Variants in EIF4G3 observed in about 807,000 individuals in gnomAD.
The protein encoded by EIF4G3 is eukaryotic translation initiation factor 4 gamma 3.
In EIF4G3, 34 loss-of-function variants were observed where a neutral mutation model predicts 186.4. The observed-to-expected ratio is 0.18, with a 90% confidence interval of 0.14 to 0.24. The LOEUF (loss-of-function observed/expected upper bound fraction) is 0.24, where lower values mean the gene tolerates loss of function less well. Ranked by LOEUF, EIF4G3 falls within the 10% of genes least tolerant of loss-of-function variation. EIF4G3 has a pLI of 1.00. For synonymous variants in EIF4G3, 673 were observed against 679.5 expected (o/e 0.99, Z 0.15); for missense variants, 1,536 against 1,948.5 (o/e 0.79, Z 3.99).
intron 2 of EIF4G3, among the ~76,000 whole-genome samples, chr1:21,117,915 A>G (rs1406103305): frequency 6.6e-6 from 1 of 151,984 alleles, no homozygotes; most frequent in Non-Finnish European, 1.5e-5. Context: ...CAGCCAAAAA[A>G]AGGACTCATG....
At chr1:20,813,493 C>T (rs1004487598) in intron 34 of EIF4G3, among the ~76,000 whole-genome samples, 1 of 150,908 alleles carries the variant, frequency 6.6e-6, no homozygotes, top group African/African-American at 2.4e-5. Context: ...TGCTTGATCC[C>T]AAGGGTTTGA....
intron 2 of EIF4G3, among the ~76,000 whole-genome samples, chr1:21,096,343 A>G (rs2096369358): frequency 6.6e-6 from 1 of 152,198 alleles, no homozygotes; most frequent in Non-Finnish European, 1.5e-5. Context: ...ATGTATACAC[A>G]TGGAGGTAGA....
intron 16 of EIF4G3, among the ~76,000 whole-genome samples, chr1:20,898,761 G>C (rs936608483): frequency 6.6e-6 from 1 of 151,870 alleles, no homozygotes; most frequent in African/African-American, 2.4e-5. Context: ...ATGGAGTTTC[G>C]CTCTTGTTGC....
chr1:21,014,036 G>A (rs971097084), intron 4 of EIF4G3, among the ~76,000 whole-genome samples: 2 of 152,132 alleles, frequency 1.3e-5, no homozygotes, highest in Non-Finnish European at 2.9e-5. Context: ...TGGGCATGGT[G>A]GTGGGTGCCT....
At chr1:21,059,288 G>A (rs2094754045) in intron 3 of EIF4G3, among the ~76,000 whole-genome samples, 1 of 152,134 alleles carries the variant, frequency 6.6e-6, no homozygotes, top group African/African-American at 2.4e-5. Context: ...CTTTTCTTAT[G>A]TGGGTAATTT....
At chr1:20,818,044 G>A (rs906927888) in intron 33 of EIF4G3, among the ~76,000 whole-genome samples, 3 of 151,978 alleles carry the variant, frequency 2.0e-5, no homozygotes, top group Admixed American at 1.3e-4. Context: ...TTCTCATACC[G>A]TGTATCTTAA....
At chr1:21,169,062 T>C (rs758696496) in intron 2 of EIF4G3, among the ~76,000 whole-genome samples, 1 of 151,658 alleles carries the variant, frequency 6.6e-6, no homozygotes, top group Non-Finnish European at 1.5e-5. Context: ...TCCGAGCTCC[T>C]TGGGAGGCTG....
intron 18 of EIF4G3, chr1:20,892,571 T>G: frequency 8.0e-7 from 1 of 1,256,674 alleles, no homozygotes; most frequent in Non-Finnish European, 1.1e-6. Flanking sequence ...ACAGAAAATA[T>G]TATAACACCA....
At chr1:21,172,947 T>C (rs2098014902) in intron 2 of EIF4G3, among the ~76,000 whole-genome samples, 1 of 148,748 alleles carries the variant, frequency 6.7e-6, no homozygotes, top group Admixed American at 6.7e-5. Flanking sequence ...AAGACCATCC[T>C]GGCCAACACA....
intron 29 of EIF4G3, among the ~76,000 whole-genome samples, chr1:20,844,548 A>C (rs2070003221): frequency 2.0e-5 from 3 of 151,308 alleles, no homozygotes; most frequent in Admixed American, 1.3e-4. Context: ...TGCACATAAG[A>C]CCTTTGTCGG....
chr1:21,149,669 C>T (rs1249454312), intron 2 of EIF4G3, among the ~76,000 whole-genome samples: 1 of 152,122 alleles, frequency 6.6e-6, no homozygotes, highest in Non-Finnish European at 1.5e-5. Flanking sequence ...CTACTCAAAC[C>T]ACTCCCCATC....
At chr1:21,067,321 C>T (rs889626686) in intron 3 of EIF4G3, among the ~76,000 whole-genome samples, 30 of 151,862 alleles carry the variant, frequency 2.0e-4, no homozygotes, top group African/African-American at 6.3e-4. Context: ...TTAGTAGAGA[C>T]GGGTTTTCAC....
At chr1:20,851,998 A>AC (rs1193134725) in intron 27 of EIF4G3, among the ~76,000 whole-genome samples, 1 of 152,232 alleles carries the variant, frequency 6.6e-6, no homozygotes, top group Non-Finnish European at 1.5e-5. Context: ...AGCCTGGGTG[A>AC]CAGTGAGACT....
At chr1:20,952,132 C>A (rs769482774) in intron 12 of EIF4G3, among the ~76,000 whole-genome samples, 3 of 150,034 alleles carry the variant, frequency 2.0e-5, no homozygotes, top group Non-Finnish European at 4.4e-5. Flanking sequence ...AAAATCATAA[C>A]GTATTAACAT....
At chr1:20,910,647 T>C (rs186809511) in intron 14 of EIF4G3, among the ~76,000 whole-genome samples, 23 of 152,178 alleles carry the variant, frequency 1.5e-4, no homozygotes, top group Admixed American at 3.3e-4. Flanking sequence ...AAAATCCACA[T>C]AAGGATAAAA....
At chr1:21,001,076 G>C (rs2083411653) in intron 6 of EIF4G3, 123 bp downstream of exon 6, 2 of 404,990 alleles carry the variant, frequency 4.9e-6, no homozygotes, top group Non-Finnish European at 1.0e-5. Flanking sequence ...TGCTAGGTTA[G>C]ACTTTCAGAG....
chr1:21,008,306 A>C (rs1217540327), intron 4 of EIF4G3, among the ~76,000 whole-genome samples: 2 of 152,022 alleles, frequency 1.3e-5, no homozygotes, highest in African/African-American at 4.8e-5. Flanking sequence ...AATAAGGCCT[A>C]AGATAGATGA....
intron 2 of EIF4G3, among the ~76,000 whole-genome samples, chr1:21,101,571 AAAAACAAC>A (rs1157833766): frequency 2.1e-5 from 3 of 143,094 alleles, no homozygotes; most frequent in Non-Finnish European, 3.0e-5. Context: ...GGAAAAAAAA[AAAAACAAC>A]AAAAAAAAAC....
At chr1:20,874,294 A>AC (rs1224568926) in intron 20 of EIF4G3, among the ~76,000 whole-genome samples, 1 of 152,152 alleles carries the variant, frequency 6.6e-6, no homozygotes, top group Non-Finnish European at 1.5e-5. Flanking sequence ...GTTCCCACCA[A>AC]CAGTGTAAAA....
Sources: allele counts gnomAD v4.1 joint callset (sites outside exome capture counted in the v4.1 genomes callset), GRCh38; gene constraint gnomAD v4.1.1; transcripts MANE v1.5; gene names NCBI Gene and HGNC (gene_info 2026-07-23, HGNC 2026-07-21).